MRE11: variants seen among roughly 807,000 people sequenced by gnomAD.
MRE11 encodes MRE11 double strand break repair nuclease.
In MRE11, 62 loss-of-function variants were observed where a neutral mutation model predicts 91.7. The ratio of observed to expected loss-of-function variants is 0.68; its 90% CI spans 0.55 to 0.84. The LOEUF is 0.84. Among genes scored for constraint, MRE11 ranks in the 40% least tolerant of loss-of-function variants. The probability of loss-of-function intolerance (pLI) is 0.00; values close to 1 mark genes in which losing one functional copy is unlikely to be tolerated. For synonymous variants in MRE11, 273 were observed against 271.4 expected (o/e 1.01, Z -0.06); for missense variants, 796 against 852.9 (o/e 0.93, Z 0.83).
chr11:94,431,815 A>G (rs1383915363), intron 18 of MRE11, among the ~76,000 whole-genome samples: 1 of 152,228 alleles, frequency 6.6e-6, no homozygotes, highest in Non-Finnish European at 1.5e-5. Context: ...TGTGAGTTAT[A>G]TTACTATTTC....
chr11:94,507,377 T>TG, the MRE11 span, among the ~76,000 whole-genome samples: 1 of 152,298 alleles, frequency 6.6e-6, no homozygotes, highest in South Asian at 2.1e-4. Context: ...TGTTAACTTT[T>TG]GGGGGGATTT....
At chr11:94,447,158 T>C (rs1054293253) in intron 15 of MRE11, 61 bp downstream of exon 15, 16 of 1,459,754 alleles carry the variant, frequency 1.1e-5, no homozygotes, top group Non-Finnish European at 1.5e-5. Context: ...CAAGATCTAA[T>C]TCTGTATTTT....
Position 94,479,767 on chromosome 11 carries a change from A to G in MRE11, c.315-6T>C. On this transcript the variant is annotated splice_polypyrimidine_tract_variant and splice_region_variant and intron_variant, in intron 4 of 19. Coordinates refer to ENST00000323929, the MANE Select transcript of MRE11 (RefSeq NM_005591.4). ...GATAGTTCACCCATGGAAACCTTAA[A>G]AAAAAAAAGTTACTTAAAATTTCCA... The G allele has an allele frequency of 6.2e-7, 1 of 1,609,918 alleles. No homozygotes were observed. The highest frequency in any genetic ancestry group is 8.5e-7 in the Non-Finnish European group (1 of 1,178,812).
At chr11:94,445,970 A>T (rs1264546631) in intron 15 of MRE11, 77 bp from the exon 16 acceptor site, 5 of 1,035,746 alleles carry the variant, frequency 4.8e-6, no homozygotes, top group Non-Finnish European at 7.6e-6. Context: ...AAAAAATGAA[A>T]GCTAAATAAA....
Position 94,447,245 on chromosome 11 carries a change from G to C in MRE11, c.1757C>G (p.Ser586Trp), listed in dbSNP as rs753717905. ...RRGGRGQNSA[S>W]RGGSQRGRAD... is the part of the protein sequence containing the mutation. ...TCTTCCTCTTTGAGACCCTCCTCTCGATGCTGAATTCTGCCCTCTTCCACC... is the reference window on the plus strand; with the variant it reads ...TCTTCCTCTTTGAGACCCTCCTCTCCATGCTGAATTCTGCCCTCTTCCACC... The change falls in exon 15 of 20, where the codon TCG (serine) becomes TGG (tryptophan). Residue 586 changes from serine (S) to tryptophan (W), a missense_variant. Ser to Trp is a radical substitution (Grantham distance 177). Transcript: ENST00000323929. 6.2e-7 allele frequency: 1 copy of C among 1,613,564 alleles called. No individual in the cohort carries two copies. Among genetic ancestry groups the C allele is most frequent in the East Asian group, 2.2e-5 (1 of 44,878 alleles).
intron 9 of MRE11, 35 bp from the exon 10 acceptor site, chr11:94,467,928 G>A (rs760200349): frequency 6.4e-7 from 1 of 1,558,176 alleles, no homozygotes; most frequent in Non-Finnish European, 8.8e-7. Flanking sequence ...AAACAACGTA[G>A]TAAACTGAGT....
the MRE11 span, among the ~76,000 whole-genome samples, chr11:94,509,080 C>G: frequency 4.6e-5 from 7 of 152,110 alleles, no homozygotes; most frequent in Admixed American, 2.0e-4. Context: ...TTTAAACAAC[C>G]CTGCTGAGAT....
rs1165139433 is a variant in MRE11 at position 94,417,966 on chromosome 11, A to T, written c.*2159T>A. ...AGACACTTATTCTTTGGTAAGTAAC[A>T]GAAGAATTCCCTACAGATGTCTTCC... On this transcript the variant is annotated 3_prime_UTR_variant, in exon 20 of 20. Transcript: ENST00000323929. 4 of 233,090 alleles carry T rather than the reference A, an allele frequency of 1.7e-5. No homozygotes were observed. In the East Asian group the frequency reaches 2.4e-4, roughly 14 times the overall value. 14.4% of individuals were successfully genotyped at this position (233,090 alleles called of 1,614,324 possible). A position where few individuals can be genotyped will look rare whatever the true frequency, so the allele number is the denominator to read the frequency against.
At chr11:94,483,944 G>A (rs2135113365) in intron 4 of MRE11, 1 of 152,302 alleles carries the variant, frequency 6.6e-6, no homozygotes, top group Middle Eastern at 3.4e-3. Flanking sequence ...TCTGTCCAGT[G>A]AGAGCCTAGA....
chr11:94,422,136 C>T (rs1945187168), intron 19 of MRE11, among the ~76,000 whole-genome samples: 1 of 152,118 alleles, frequency 6.6e-6, no homozygotes. Context: ...CAAAAACTAG[C>T]AAAGGCCCTT....
At chr11:94,447,899 A>C (rs1945984034) in intron 14 of MRE11, among the ~76,000 whole-genome samples, 2 of 152,110 alleles carry the variant, frequency 1.3e-5, no homozygotes, top group Non-Finnish European at 2.9e-5. Flanking sequence ...CCACCAATCA[A>C]ATTTAATACT....
At chr11:94,493,082 T>C (rs1282444063) in intron 1 of MRE11, among the ~76,000 whole-genome samples, 176 bp from the exon 2 acceptor site, 1 of 152,140 alleles carries the variant, frequency 6.6e-6, no homozygotes. Context: ...TAGAAAATAA[T>C]ATATCTCCAG....
intron 16 of MRE11, among the ~76,000 whole-genome samples, chr11:94,437,637 C>T (rs1945656983): frequency 6.6e-6 from 1 of 152,148 alleles, no homozygotes; most frequent in African/African-American, 2.4e-5. Context: ...CATGGGGTTC[C>T]AGTAGTTTCT....
chr11:94,511,109 GTGCAA>G, the MRE11 span, among the ~76,000 whole-genome samples: 1 of 152,098 alleles, frequency 6.6e-6, no homozygotes, highest in South Asian at 2.1e-4. Flanking sequence ...TCAGAAAATA[GTGCAA>G]AAATACAGAG....
At chr11:94,453,443 A>G (rs1001248032) in intron 14 of MRE11, among the ~76,000 whole-genome samples, 6 of 152,174 alleles carry the variant, frequency 3.9e-5, no homozygotes, top group Non-Finnish European at 7.4e-5. Flanking sequence ...CCACCAATGT[A>G]TATGGTTCTA....
the MRE11 span, among the ~76,000 whole-genome samples, chr11:94,510,931 G>A: frequency 6.6e-6 from 1 of 152,184 alleles, no homozygotes; most frequent in South Asian, 2.1e-4. Flanking sequence ...AGGGATTTTT[G>A]TATGTTTTGT....
At chr11:94,456,042 G>A (rs1419116027) in intron 14 of MRE11, among the ~76,000 whole-genome samples, 6 of 152,128 alleles carry the variant, frequency 3.9e-5, no homozygotes, top group African/African-American at 1.4e-4. Context: ...GACTACAGGT[G>A]TGAGTCACTG....
upstream of MRE11, chr11:94,497,877 A>C (rs1565246686): frequency 1.8e-6 from 1 of 544,874 alleles, no homozygotes; most frequent in Non-Finnish European, 3.2e-6. Context: ...TGTAGTTAAC[A>C]CTAACTTGTT....
intron 2 of MRE11, among the ~76,000 whole-genome samples, chr11:94,492,300 C>G (rs1222813921): frequency 1.3e-5 from 2 of 152,142 alleles, no homozygotes; most frequent in Non-Finnish European, 2.9e-5. Context: ...GTTGGTCAGG[C>G]TGGTCTCCAA....
Sources: allele counts gnomAD v4.1 joint callset (sites outside exome capture counted in the v4.1 genomes callset), GRCh38; gene constraint gnomAD v4.1.1; transcripts MANE v1.5; gene names NCBI Gene and HGNC (gene_info 2026-07-23, HGNC 2026-07-21).